KIF21A: variants seen among roughly 807,000 people sequenced by gnomAD.
KIF21A encodes kinesin family member 21A.
In KIF21A, 114 loss-of-function variants were observed where a neutral mutation model predicts 202.9. The observed-to-expected ratio is 0.56, with a 90% CI of 0.48 to 0.66. The LOEUF is 0.66. Among genes scored for constraint, KIF21A ranks in the 30% least tolerant of loss-of-function variants. KIF21A has a pLI of 0.00. For synonymous variants in KIF21A, 667 were observed against 670.8 expected, an observed-to-expected ratio of 0.99 and a Z score of 0.09; for missense variants, 1,677 against 1,994.9, an observed-to-expected ratio of 0.84 and a Z score of 3.04.
intron 1 of KIF21A, among the ~76,000 whole-genome samples, chr12:39,411,689 G>A (rs1377861101): frequency 6.6e-6 from 1 of 151,884 alleles, no homozygotes; most frequent in Non-Finnish European, 1.5e-5. Context: ...ACCACACCCA[G>A]CTAATTTTTA....
rs140885494 is a variant in KIF21A at position 39,325,982 on chromosome 12, T to A, written c.3402-89A>T. On this transcript the variant is annotated intron_variant, in intron 25 of 37. Coordinates refer to ENST00000361418, the MANE Select transcript of KIF21A (RefSeq NM_001173464.2). ...CCTCTATATCAACGACTACAAAAAA[T>A]TTATATGCCTATGGGAAATACAGAA... The A allele has an allele frequency of 9.3e-4, 862 of 923,138 alleles. 1 individual carries two copies. The African/African-American group carries it at 0.011, about 12-fold the overall frequency. The allele number at this position is 923,138 out of a possible 1,614,324, so 57.2% of individuals were successfully genotyped here.
intron 33 of KIF21A, among the ~76,000 whole-genome samples, 182 bp downstream of exon 33, chr12:39,309,404 T>C (rs1344008191): frequency 1.3e-5 from 2 of 152,082 alleles, no homozygotes; most frequent in Non-Finnish European, 2.9e-5. Flanking sequence ...ATATTTCATT[T>C]GTCAAATTTT....
At position 39,320,024 on chromosome 12, in the gene KIF21A, A is replaced by G. The variant is rs989252416; in HGVS notation, c.3672-11T>C. On this transcript the variant is annotated splice_polypyrimidine_tract_variant and intron_variant, in intron 27 of 37. Transcript: ENST00000361418. ...GATGACTGCCTGGAACTAAAGTAAA[A>G]GAAGATTCTTTAATTACCTAATTCT... The G allele has an allele frequency of 7.4e-6, 11 of 1,492,452 alleles. No homozygotes were observed. Among genetic ancestry groups the G allele is most frequent in the Non-Finnish European group, 9.3e-6 (10 of 1,074,336 alleles). The allele number at this position is 1,492,452 out of a possible 1,614,324, so 92.5% of individuals were successfully genotyped here. A position where few individuals can be genotyped will look rare whatever the true frequency, so the allele number is the denominator to read the frequency against.
chr12:39,349,472 T>C (rs527281312), intron 11 of KIF21A, among the ~76,000 whole-genome samples: 89 of 152,032 alleles, frequency 5.9e-4, no homozygotes, highest in Non-Finnish European at 3.8e-4. Context: ...CCAGAATCAA[T>C]GCATCCAAAC....
At position 39,309,648 on chromosome 12, in the gene KIF21A, T is replaced by A; in HGVS notation, c.4215A>T (p.Val1405=). ...CCCACACCTTAATATAAGATGTTGA[T>A]ACAGTGAAGACCAAACTGGTATAAT... ...YCNYTSLVFT[V]STSYIKVWDI... The change falls in exon 33 of 38, where the codon GTA becomes GTT. Residue 1405 remains valine (V), a synonymous_variant. Transcript: ENST00000361418. 2.5e-6 allele frequency: 4 copies of A among 1,613,276 alleles called. No individual in the cohort carries two copies. Among genetic ancestry groups the A allele is most frequent in the Non-Finnish European group, 3.4e-6 (4 of 1,179,586 alleles).
At chr12:39,323,767 A>T (rs1328971688) in intron 26 of KIF21A, among the ~76,000 whole-genome samples, 1 of 152,208 alleles carries the variant, frequency 6.6e-6, no homozygotes, top group Non-Finnish European at 1.5e-5. Flanking sequence ...GTACATACAA[A>T]TTTAAAATAT....
intron 32 of KIF21A, 105 bp downstream of exon 32, chr12:39,311,312 T>C: frequency 9.6e-7 from 1 of 1,037,072 alleles, no homozygotes; most frequent in South Asian, 1.4e-5. Flanking sequence ...ATTATCCGAT[T>C]CTTTCTGGTC....
intron 1 of KIF21A, among the ~76,000 whole-genome samples, chr12:39,416,805 ATATATGTGTGTATATATG>A (rs1953765946): frequency 8.7e-6 from 1 of 114,830 alleles, no homozygotes; most frequent in Non-Finnish European, 1.7e-5. Context: ...ATATGTACAT[ATATATGTGTGTATATATG>A]TACATATATG....
At chr12:39,343,161 A>G (rs765339131) in intron 12 of KIF21A, among the ~76,000 whole-genome samples, 1 of 152,254 alleles carries the variant, frequency 6.6e-6, no homozygotes, top group South Asian at 2.1e-4. Flanking sequence ...CAGGCATTTG[A>G]GTCCAGCCTG....
At chr12:39,414,033 T>A (rs1200149818) in intron 1 of KIF21A, among the ~76,000 whole-genome samples, 2 of 152,208 alleles carry the variant, frequency 1.3e-5, no homozygotes, top group Non-Finnish European at 2.9e-5. Context: ...AAAATGAACA[T>A]AAACATATGT....
In KIF21A at chr12:39,307,626, G is replaced by A. The variant is rs1255084857; in HGVS notation, c.4381C>T (p.Pro1461Ser). The A allele has an allele frequency of 3.7e-6, 6 of 1,614,092 alleles. No homozygotes were observed. The highest frequency in any genetic ancestry group is 3.3e-5 in the South Asian group (3 of 91,082). ...ENQINQIALN[P>S]TGTFLYAASG... ...GCAGCATAGAGGAAGGTGCCAGTTG[G>A]GTTTAGGGCAATTTGATTGATCTGG... Residue 1461 changes from proline to serine, a missense_variant, in exon 34 of 38, where the codon CCA (proline) becomes TCA (serine). By Grantham distance (74) the Pro-to-Ser change is moderately conservative. Around this residue, in one of 3 missense-constraint regions of KIF21A, gnomAD observed 705 missense variants for 791.9 expected, o/e 0.89. Transcript: ENST00000361418.
At position 39,420,614 on chromosome 12, in the gene KIF21A, C is replaced by T. The variant is rs149435356; in HGVS notation, c.44+22313G>A. Among the ~76,000 whole-genome samples, 73 of 152,200 alleles carry T rather than the reference C, an allele frequency of 4.8e-4. No individual in the cohort carries two copies. In the East Asian group the frequency reaches 0.01, roughly 22 times the overall value. On this transcript the variant is annotated intron_variant, in intron 1 of 37. Coordinates refer to ENST00000361418, the MANE Select transcript of KIF21A (RefSeq NM_001173464.2). Reference sequence around the variant, plus strand: ...GAGGCAGTAAGGCGAGTCCCCCTTTCCCACTGTAGGTCATTAAGTCTTCAG... The same window carrying T: ...GAGGCAGTAAGGCGAGTCCCCCTTTTCCACTGTAGGTCATTAAGTCTTCAG...
chr12:39,363,398 A>G (rs1949381431), intron 6 of KIF21A, among the ~76,000 whole-genome samples, 185 bp from the exon 7 acceptor site: 1 of 152,090 alleles, frequency 6.6e-6, no homozygotes. Flanking sequence ...TTAGTACTAT[A>G]TATAATACCG....
intron 1 of KIF21A, among the ~76,000 whole-genome samples, chr12:39,416,659 GTATATATATATGTACATATATA>G (rs1566265549): frequency 9.3e-4 from 103 of 111,042 alleles, no homozygotes; most frequent in African/African-American, 2.9e-3. Flanking sequence ...ATATATATGT[GTATATATATATGTACATATATA>G]TGTGTGTATA....
chr12:39,366,092 T>G (rs2139086905), intron 6 of KIF21A, among the ~76,000 whole-genome samples: 1 of 152,326 alleles, frequency 6.6e-6, no homozygotes, highest in South Asian at 2.1e-4. Context: ...ATAATTTGTA[T>G]ATCTATAATT....
intron 1 of KIF21A, among the ~76,000 whole-genome samples, chr12:39,420,736 AC>A (rs1303618663): frequency 6.6e-6 from 1 of 152,128 alleles, no homozygotes; most frequent in Admixed American, 6.5e-5. Context: ...CACCATTCTT[AC>A]AGCTAAAAGT....
At chr12:39,386,048 A>G (rs892466157) in intron 1 of KIF21A, among the ~76,000 whole-genome samples, 4 of 152,078 alleles carry the variant, frequency 2.6e-5, no homozygotes, top group Non-Finnish European at 5.9e-5. Flanking sequence ...TTAAGCTCCA[A>G]TATGTATCCT....
intron 1 of KIF21A, among the ~76,000 whole-genome samples, chr12:39,440,098 A>G (rs1386184485): frequency 6.6e-6 from 1 of 152,244 alleles, no homozygotes; most frequent in Non-Finnish European, 1.5e-5. Context: ...AGGAAGCTGG[A>G]AAGATTAAAT....
intron 1 of KIF21A, among the ~76,000 whole-genome samples, chr12:39,431,189 G>C (rs998711072): frequency 6.6e-6 from 1 of 152,146 alleles, no homozygotes; most frequent in Admixed American, 6.6e-5. Context: ...AGATGACCTA[G>C]AACAGATCAG....
Sources: allele counts gnomAD v4.1 joint callset (sites outside exome capture counted in the v4.1 genomes callset), GRCh38; gene constraint gnomAD v4.1.1; regional missense constraint gnomAD v4.1.1; transcripts MANE v1.5; gene names NCBI Gene and HGNC (gene_info 2026-07-23, HGNC 2026-07-21).